The following PPARGC1A variants were observed in gnomAD, a reference collection of about 807,000 sequenced individuals.
The protein encoded by PPARGC1A is peroxisome proliferator-activated receptor gamma coactivator 1-alpha.
Under a neutral mutation model 88.7 loss-of-function variants are expected in PPARGC1A, and 25 were observed. The observed-to-expected ratio is 0.28, with a 90% CI of 0.21 to 0.39. The LOEUF is 0.39. Ranked by LOEUF, PPARGC1A falls within the 10% of genes least tolerant of loss-of-function variation. PPARGC1A has a pLI of 1.00. For missense variants in PPARGC1A, 880 were observed against 968.7 expected (o/e 0.91, Z 1.22); for synonymous variants, 363 against 355.6 (o/e 1.02, Z -0.24).
the PPARGC1A span, among the ~76,000 whole-genome samples, chr4:24,115,832 G>A: frequency 0.022 from 3,323 of 152,124 alleles, 124 homozygotes; most frequent in African/African-American, 0.07. Flanking sequence ...GACATGAAAC[G>A]TTGTCTAAAG....
At chr4:23,940,615 A>G in the PPARGC1A span, among the ~76,000 whole-genome samples, 506 of 152,344 alleles carry the variant, frequency 3.3e-3, no homozygotes, top group Non-Finnish European at 5.3e-3. Context: ...AATGAACAGT[A>G]ATTGTATGGT....
the PPARGC1A span, among the ~76,000 whole-genome samples, chr4:24,320,714 G>A: frequency 2.0e-5 from 3 of 152,160 alleles, no homozygotes; most frequent in Non-Finnish European, 4.4e-5. Flanking sequence ...CTTCTTGGGT[G>A]TGTGTGCAAA....
chr4:24,464,310 G>A, the PPARGC1A span, among the ~76,000 whole-genome samples: 1 of 152,116 alleles, frequency 6.6e-6, no homozygotes, highest in Non-Finnish European at 1.5e-5. Flanking sequence ...AGTTTATGTG[G>A]TTGTTCTCAT....
At chr4:24,008,287 T>C in the PPARGC1A span, among the ~76,000 whole-genome samples, 6 of 152,138 alleles carry the variant, frequency 3.9e-5, no homozygotes, top group Admixed American at 2.6e-4. Flanking sequence ...TAAAAGTTTA[T>C]TTGAAGCCTG....
At chr4:24,268,815 C>A in the PPARGC1A span, among the ~76,000 whole-genome samples, 1 of 152,098 alleles carries the variant, frequency 6.6e-6, no homozygotes, top group Non-Finnish European at 1.5e-5. Context: ...AATTAAAAAG[C>A]AAAATGCAAA....
the PPARGC1A span, among the ~76,000 whole-genome samples, chr4:24,057,996 G>C: frequency 6.6e-6 from 1 of 152,202 alleles, no homozygotes; most frequent in Non-Finnish European, 1.5e-5. Flanking sequence ...TGATTGATTG[G>C]AGAGAAGGGA....
the PPARGC1A span, among the ~76,000 whole-genome samples, chr4:24,339,219 T>C: frequency 7.9e-3 from 262 of 33,082 alleles, no homozygotes; most frequent in Middle Eastern, 0.026. Context: ...TGTGTATATA[T>C]ATATATATAT....
the PPARGC1A span, among the ~76,000 whole-genome samples, chr4:24,167,243 A>G: frequency 6.6e-6 from 1 of 152,222 alleles, no homozygotes; most frequent in Non-Finnish European, 1.5e-5. Flanking sequence ...GCAAGAAACT[A>G]GATTTGGAAG....
the PPARGC1A span, among the ~76,000 whole-genome samples, chr4:24,180,062 A>G: frequency 6.6e-6 from 1 of 152,186 alleles, no homozygotes; most frequent in African/African-American, 2.4e-5. Context: ...CCTGCAATGA[A>G]TGACTGTGTC....
chr4:23,927,288 T>C, the PPARGC1A span, among the ~76,000 whole-genome samples: 1 of 152,188 alleles, frequency 6.6e-6, no homozygotes, highest in Non-Finnish European at 1.5e-5. Context: ...TACACCATCA[T>C]AAAGTCAAAA....
the PPARGC1A span, among the ~76,000 whole-genome samples, chr4:23,935,836 T>C: frequency 1.3e-5 from 2 of 152,038 alleles, no homozygotes; most frequent in Non-Finnish European, 2.9e-5. Context: ...TGTTTCATTA[T>C]CCTAACTGAA....
At chr4:23,946,811 TAC>T in the PPARGC1A span, among the ~76,000 whole-genome samples, 19 of 150,418 alleles carry the variant, frequency 1.3e-4, no homozygotes, top group East Asian at 3.9e-4. Flanking sequence ...AAAATATATG[TAC>T]ACACACACAC....
the PPARGC1A span, among the ~76,000 whole-genome samples, chr4:24,378,232 G>A: frequency 6.6e-6 from 1 of 152,250 alleles, no homozygotes; most frequent in East Asian, 1.9e-4. Flanking sequence ...AGCTACTCAG[G>A]AGGCTGAGGC....
At chr4:24,041,486 T>C in the PPARGC1A span, among the ~76,000 whole-genome samples, 6 of 152,292 alleles carry the variant, frequency 3.9e-5, no homozygotes, top group African/African-American at 1.4e-4. Flanking sequence ...TGCTGATTTC[T>C]TTAACCCTTC....
At position 23,824,327 on chromosome 4, in the gene PPARGC1A, T is replaced by G. The variant is rs1219399790; in HGVS notation, c.830A>C (p.Asn277Thr). 6.2e-7 allele frequency: 1 copy of G among 1,613,466 alleles called. No homozygotes were observed. The highest frequency in any genetic ancestry group is 1.3e-5 in the African/African-American group (1 of 74,872). ...ACTTAAGGTGCGTTCAATAGTCTTGTTCTCAAATGGGGAACCCTTGGGGTC... is the reference window on the plus strand; with the variant it reads ...ACTTAAGGTGCGTTCAATAGTCTTGGTCTCAAATGGGGAACCCTTGGGGTC... ...PNDPKGSPFE[N>T]KTIERTLSVE... The change falls in exon 7 of 13, where the codon AAC (asparagine) becomes ACC (threonine). Residue 277 changes from asparagine (N) to threonine (T), a missense_variant. Coordinates refer to ENST00000264867, the MANE Select transcript of PPARGC1A (RefSeq NM_013261.5).
At chr4:24,014,798 CCT>C in the PPARGC1A span, among the ~76,000 whole-genome samples, 1 of 152,274 alleles carries the variant, frequency 6.6e-6, no homozygotes, top group Non-Finnish European at 1.5e-5. Flanking sequence ...CCCAGGATTA[CCT>C]CTCTTTTGAT....
the PPARGC1A span, among the ~76,000 whole-genome samples, chr4:24,026,732 A>C: frequency 1.3e-4 from 20 of 152,286 alleles, no homozygotes; most frequent in African/African-American, 4.8e-4. Context: ...TTTGCACAAC[A>C]GGCAATCATC....
chr4:23,832,990 T>A (rs189916867), intron 2 of PPARGC1A, among the ~76,000 whole-genome samples: 1 of 152,218 alleles, frequency 6.6e-6, no homozygotes, highest in East Asian at 1.9e-4. Flanking sequence ...AACACACTCA[T>A]AGAAAGCTAA....
the PPARGC1A span, among the ~76,000 whole-genome samples, chr4:24,144,836 G>T: frequency 6.6e-6 from 1 of 152,026 alleles, no homozygotes; most frequent in Non-Finnish European, 1.5e-5. Flanking sequence ...CTAACATTTG[G>T]CAAAATCACC....
Sources: gnomAD v4.1 joint callset for allele counts (sites outside exome capture counted in the v4.1 genomes callset) on GRCh38, gnomAD v4.1.1 for gene constraint, MANE v1.5 for transcripts, NCBI Gene and HGNC (gene_info 2026-07-23, HGNC 2026-07-21) for gene names.